The following LNPEP variants were observed in gnomAD, a reference collection of about 807,000 sequenced individuals.
LNPEP encodes the protein leucyl-cystinyl aminopeptidase.
LNPEP carries 64 observed loss-of-function variants against 120.6 expected under a neutral mutation model. That is an observed-to-expected ratio of 0.53 (90% CI 0.43 to 0.65). The LOEUF (loss-of-function observed/expected upper bound fraction) is 0.65, where lower values mean the gene tolerates loss of function less well. LNPEP is among the 30% of genes least tolerant of loss of function. The pLI is 0.00. For missense variants in LNPEP, 1,057 were observed against 1,200.0 expected (o/e 0.88, Z 1.76); for synonymous variants, 435 against 425.4 (o/e 1.02, Z -0.28).
chr5:97,004,260 A>G (rs1790724601), intron 9 of LNPEP, among the ~76,000 whole-genome samples: 1 of 152,210 alleles, frequency 6.6e-6, no homozygotes, highest in African/African-American at 2.4e-5. Flanking sequence ...CACGCCTGTA[A>G]TCCCAGCACT....
At chr5:96,989,298 ATAATATATTGT>A (rs1561442909) in intron 4 of LNPEP, among the ~76,000 whole-genome samples, 2 of 85,918 alleles carry the variant, frequency 2.3e-5, no homozygotes, top group Non-Finnish European at 4.4e-5. Flanking sequence ...TAATTTATAT[ATAATATATTGT>A]ATATTATATA....
rs1202589039 is a variant in LNPEP at position 97,024,699 on chromosome 5, G to C, written c.2723+17G>C. ...GCTTTACTGGTATGAAATCACCGAG[G>C]AATATGATATACAGAAACCAAAAGA... On this transcript the variant is annotated intron_variant, in intron 15 of 17. Coordinates refer to ENST00000231368, the MANE Select transcript of LNPEP (RefSeq NM_005575.3). 6.2e-7 allele frequency: 1 copy of C among 1,607,702 alleles called. No individual in the cohort carries two copies. Among genetic ancestry groups the C allele is most frequent in the Admixed American group, 1.7e-5 (1 of 59,312 alleles).
At chr5:96,954,234 C>T (rs777147966) in intron 1 of LNPEP, among the ~76,000 whole-genome samples, 4 of 152,100 alleles carry the variant, frequency 2.6e-5, no homozygotes, top group Non-Finnish European at 5.9e-5. Flanking sequence ...CATGTACATC[C>T]TGAAATGTAA....
intron 11 of LNPEP, among the ~76,000 whole-genome samples, chr5:97,012,596 T>A (rs1018782711): frequency 2.0e-5 from 3 of 152,220 alleles, no homozygotes; most frequent in African/African-American, 7.2e-5. Context: ...GTAGCTTATA[T>A]TCTATTAAAT....
chr5:96,970,593 C>T (rs972412360), intron 1 of LNPEP, among the ~76,000 whole-genome samples: 5 of 145,472 alleles, frequency 3.4e-5, no homozygotes, highest in Admixed American at 1.4e-4. Context: ...TTTTGTTTAT[C>T]TGTTTCTCCT....
At chr5:97,003,610 C>T in intron 9 of LNPEP, 64 bp downstream of exon 9, 1 of 1,195,112 alleles carries the variant, frequency 8.4e-7, no homozygotes, top group Non-Finnish European at 1.2e-6. Flanking sequence ...TCTATTTATA[C>T]TTTTTAGCAT....
At chr5:97,024,727 A>G in intron 15 of LNPEP, 45 bp downstream of exon 15, 1 of 1,547,826 alleles carries the variant, frequency 6.5e-7, no homozygotes, top group South Asian at 1.2e-5. Flanking sequence ...CCAAAAGAAT[A>G]CAAACACTGT....
intron 1 of LNPEP, among the ~76,000 whole-genome samples, chr5:96,940,310 G>GATTGGTTATCTATCT (rs1789021793): frequency 6.6e-6 from 1 of 152,116 alleles, no homozygotes; most frequent in Non-Finnish European, 1.5e-5. Context: ...CTGAAAGATA[G>GATTGGTTATCTATCT]ATAACCAGAG....
intron 10 of LNPEP, 92 bp downstream of exon 10, chr5:97,006,325 C>T: frequency 7.7e-7 from 1 of 1,299,876 alleles, no homozygotes; most frequent in Non-Finnish European, 1.1e-6. Context: ...CTTGTGAAAC[C>T]TAACAAGATT....
At chr5:97,025,667 C>T (rs1211921867) in intron 15 of LNPEP, among the ~76,000 whole-genome samples, 1 of 152,148 alleles carries the variant, frequency 6.6e-6, no homozygotes, top group Non-Finnish European at 1.5e-5. Flanking sequence ...TACATATGTA[C>T]GTACATACAT....
intron 1 of LNPEP, among the ~76,000 whole-genome samples, chr5:96,956,225 T>A (rs1205535763): frequency 6.6e-6 from 1 of 152,254 alleles, no homozygotes; most frequent in Non-Finnish European, 1.5e-5. Context: ...ATTACACAAA[T>A]GTATCTAATA....
intron 4 of LNPEP, among the ~76,000 whole-genome samples, chr5:96,989,270 T>C (rs952959989): frequency 7.2e-6 from 1 of 139,572 alleles, no homozygotes; most frequent in African/African-American, 2.7e-5. Flanking sequence ...ATATATGATA[T>C]ATATATTATA....
chr5:96,979,960 A>G lies in LNPEP; in HGVS notation c.842A>G (p.Asp281Gly), dbSNP rs1323614490. 1 of 1,585,138 alleles carries G rather than the reference A, an allele frequency of 6.3e-7. No individual in the cohort carries two copies. ...YYGFYGFSYT[D>G]ESNEKKYFAA... ...GGGTTTTATGGCTTCTCCTACACAG[A>G]TGAAAGTAATGAGAAAAAGTAGGTA... Residue 281 changes from aspartate to glycine, a missense_variant, in exon 2 of 18, where the codon GAT (aspartate) becomes GGT (glycine). Transcript: ENST00000231368.
rs759645274 is a variant in LNPEP, at chr5:96,993,031, T to C, written c.1148T>C (p.Val383Ala). Residue 383 changes from valine (V) to alanine (A), a missense_variant, in exon 5 of 18, where the codon GTA (valine) becomes GCA (alanine). Coordinates refer to ENST00000231368, the MANE Select transcript of LNPEP (RefSeq NM_005575.3). ...TTCCTTTAGGTTTCTATATATGCTG[T>C]ACCAGAAAAGATTGGTCAAGTTCAT... is the stretch of plus-strand genomic sequence containing the variant. ...VNGTLVSIYA[V>A]PEKIGQVHYA... The C allele has an allele frequency of 6.3e-6, 10 of 1,594,274 alleles. No homozygotes were observed. The South Asian group carries it at 1.1e-4, about 18-fold the overall frequency.
chr5:96,943,750 A>T (rs756464841), intron 1 of LNPEP, among the ~76,000 whole-genome samples: 1 of 152,230 alleles, frequency 6.6e-6, no homozygotes, highest in Admixed American at 6.5e-5. Flanking sequence ...CTTCCAAGGG[A>T]GTTTCAAAAA....
At chr5:96,975,419 C>T (rs1262716259) in intron 1 of LNPEP, among the ~76,000 whole-genome samples, 2 of 152,154 alleles carry the variant, frequency 1.3e-5, no homozygotes, top group East Asian at 3.8e-4. Context: ...CCTGCAGGTC[C>T]ATCTAGCCCG....
At position 96,959,084 on chromosome 5, in the gene LNPEP, A is replaced by G. The variant is rs1417889204; in HGVS notation, c.20-20054A>G. ...CATGATCCGCTTGCCTTGGCCTCCC[A>G]ACCTCTTCTGCCTTTTAAGGACCCC... On this transcript the variant is annotated intron_variant, in intron 1 of 17. Coordinates refer to ENST00000231368, the MANE Select transcript of LNPEP (RefSeq NM_005575.3). Among the ~76,000 whole-genome samples, 4 of 152,052 alleles carry G rather than the reference A, an allele frequency of 2.6e-5. No individual in the cohort carries two copies. In the South Asian group the frequency reaches 6.2e-4, roughly 24 times the overall value.
At chr5:96,972,531 C>T (rs899556865) in intron 1 of LNPEP, among the ~76,000 whole-genome samples, 1 of 152,068 alleles carries the variant, frequency 6.6e-6, no homozygotes, top group Non-Finnish European at 1.5e-5. Flanking sequence ...CTTGTGCAAA[C>T]TTCTGTGACT....
At chr5:96,994,416 C>T (rs538575892) in intron 6 of LNPEP, among the ~76,000 whole-genome samples, 9 of 152,054 alleles carry the variant, frequency 5.9e-5, no homozygotes, top group Admixed American at 3.9e-4. Context: ...GAATCTCTTT[C>T]CCTAAGTTGC....
Sources: allele counts gnomAD v4.1 joint callset (sites outside exome capture counted in the v4.1 genomes callset), GRCh38; gene constraint gnomAD v4.1.1; transcripts MANE v1.5; gene names NCBI Gene and HGNC (gene_info 2026-07-23, HGNC 2026-07-21).